ADTRP: variants seen among roughly 807,000 people sequenced by gnomAD.
The protein encoded by ADTRP is androgen-dependent TFPI-regulating protein.
A neutral mutation model predicts 27.0 loss-of-function variants in ADTRP; 20 were observed. That is an observed-to-expected ratio of 0.74 (90% CI 0.52 to 1.08). ADTRP has a LOEUF of 1.08. Among genes scored for constraint, ADTRP ranks in the 50% least tolerant of loss-of-function variants. The pLI, the probability that ADTRP is intolerant of heterozygous loss-of-function variation, is 0.00. For synonymous variants in ADTRP, 101 were observed against 105.2 expected (o/e 0.96, Z 0.25); for missense variants, 251 against 275.0 (o/e 0.91, Z 0.62).
At chr6:11,731,410 C>G (rs144225737) in intron 4 of ADTRP, among the ~76,000 whole-genome samples, 574 of 152,220 alleles carry the variant, frequency 3.8e-3, no homozygotes, top group Non-Finnish European at 7.0e-3. Flanking sequence ...GCTTCCACTC[C>G]AAACAAACAA....
intron 3 of ADTRP, among the ~76,000 whole-genome samples, chr6:11,737,145 A>T (rs1762579037): frequency 6.6e-6 from 1 of 152,066 alleles, no homozygotes; most frequent in Admixed American, 6.6e-5. Flanking sequence ...ATGTGTTTTC[A>T]TTTATTGATA....
intron 1 of ADTRP, among the ~76,000 whole-genome samples, chr6:11,775,634 C>A (rs905486998): frequency 6.6e-6 from 1 of 152,138 alleles, no homozygotes; most frequent in African/African-American, 2.4e-5. Flanking sequence ...AAATGGGTCA[C>A]CCTGACCAAT....
intron 3 of ADTRP, among the ~76,000 whole-genome samples, chr6:11,763,353 A>G (rs1159939775): frequency 6.6e-6 from 1 of 152,254 alleles, no homozygotes; most frequent in Non-Finnish European, 1.5e-5. Flanking sequence ...GGGCAGCATC[A>G]TAAATGGCAA....
At chr6:11,776,692 G>A (rs1277170229) in intron 1 of ADTRP, among the ~76,000 whole-genome samples, 1 of 152,140 alleles carries the variant, frequency 6.6e-6, no homozygotes, top group Admixed American at 6.5e-5. Context: ...AGAGAACACC[G>A]GGCAGAGAAG....
intron 3 of ADTRP, among the ~76,000 whole-genome samples, chr6:11,765,035 A>G (rs977228475): frequency 6.6e-6 from 1 of 152,076 alleles, no homozygotes; most frequent in African/African-American, 2.4e-5. Flanking sequence ...AGACTTACGT[A>G]AGGTAGTTCT....
At chr6:11,765,030 T>C (rs1352218010) in intron 3 of ADTRP, among the ~76,000 whole-genome samples, 1 of 152,068 alleles carries the variant, frequency 6.6e-6, no homozygotes, top group Non-Finnish European at 1.5e-5. Flanking sequence ...AGGTCAGACT[T>C]ACGTAAGGTA....
Position 11,772,502 on chromosome 6 carries a change from T to G in ADTRP, c.154-4119A>C, listed in dbSNP as rs1763816239. Among the ~76,000 whole-genome samples the G allele has an allele frequency of 2.0e-5, 3 of 152,364 alleles. No homozygotes were observed. In the South Asian group the frequency reaches 6.2e-4, roughly 32 times the overall value. ...TTTAAACTACCTTAGGAAATGAGAATTTCTTCTATTTAAAAAGTAATTCCA... is the reference window on the plus strand; with the variant it reads ...TTTAAACTACCTTAGGAAATGAGAAGTTCTTCTATTTAAAAAGTAATTCCA... On this transcript the variant is annotated intron_variant, in intron 1 of 5. Coordinates refer to ENST00000414691, the MANE Select transcript of ADTRP (RefSeq NM_032744.4).
chr6:11,776,346 T>C (rs1339906262), intron 1 of ADTRP, among the ~76,000 whole-genome samples: 1 of 152,206 alleles, frequency 6.6e-6, no homozygotes, highest in Non-Finnish European at 1.5e-5. Flanking sequence ...CTTTTTAATA[T>C]CTGGGTATCC....
At chr6:11,748,852 C>T (rs891094166) in intron 3 of ADTRP, among the ~76,000 whole-genome samples, 1 of 152,138 alleles carries the variant, frequency 6.6e-6, no homozygotes, top group Non-Finnish European at 1.5e-5. Flanking sequence ...ACATGGAGTG[C>T]CAGGGGGAGA....
intron 1 of ADTRP, chr6:11,769,944 G>A: frequency 1.4e-6 from 2 of 1,404,214 alleles, no homozygotes; most frequent in South Asian, 1.2e-5. Context: ...GCACTGAACT[G>A]TGTTTCATTC....
intron 5 of ADTRP, among the ~76,000 whole-genome samples, chr6:11,716,060 T>A (rs1029018906): frequency 2.0e-5 from 3 of 152,082 alleles, no homozygotes; most frequent in African/African-American, 7.2e-5. Flanking sequence ...GTACCTCCTT[T>A]TTCTGTAGAG....
intron 1 of ADTRP, among the ~76,000 whole-genome samples, chr6:11,774,839 C>T (rs1763901156): frequency 6.6e-6 from 1 of 152,224 alleles, no homozygotes; most frequent in African/African-American, 2.4e-5. Flanking sequence ...GGGACAGTCC[C>T]TGGATGGAAA....
At chr6:11,727,340 G>A (rs2013368) in intron 4 of ADTRP, among the ~76,000 whole-genome samples, 70,701 of 149,872 alleles carry the variant, frequency 0.47, 18,033 homozygotes, top group Non-Finnish European at 0.59. Flanking sequence ...TAAGATATGC[G>A]TTCCATGGAT....
At chr6:11,727,380 C>G (rs529342686) in intron 4 of ADTRP, among the ~76,000 whole-genome samples, 6 of 152,096 alleles carry the variant, frequency 3.9e-5, no homozygotes, top group Non-Finnish European at 8.8e-5. Context: ...GTGATTCTTA[C>G]CTGCATGGCT....
chr6:11,723,616 G>A (rs909474917), intron 4 of ADTRP, 116 bp from the exon 5 acceptor site: 38 of 1,195,764 alleles, frequency 3.2e-5, no homozygotes, highest in Admixed American at 1.1e-4. Flanking sequence ...CATCAGGGAC[G>A]TTTGTCAACA....
chr6:11,754,333 T>G (rs1372194985), intron 3 of ADTRP, among the ~76,000 whole-genome samples: 2 of 152,082 alleles, frequency 1.3e-5, no homozygotes, highest in African/African-American at 4.8e-5. Flanking sequence ...GAAGCTAAGG[T>G]AGGTAGGCCA....
At chr6:11,761,637 T>A (rs1763392299) in intron 3 of ADTRP, among the ~76,000 whole-genome samples, 1 of 152,136 alleles carries the variant, frequency 6.6e-6, no homozygotes, top group Non-Finnish European at 1.5e-5. Flanking sequence ...TGATTCTTCA[T>A]TTTGTCTTTT....
intron 1 of ADTRP, among the ~76,000 whole-genome samples, chr6:11,775,593 G>T (rs185150432): frequency 1.8e-3 from 275 of 152,144 alleles, no homozygotes; most frequent in Non-Finnish European, 3.1e-3. Flanking sequence ...ACTCCCATCT[G>T]TCCTCTCCTA....
chr6:11,766,471 A>C, intron 2 of ADTRP, 96 bp from the exon 3 acceptor site: 1 of 840,574 alleles, frequency 1.2e-6, no homozygotes. Context: ...AAAAACAGAC[A>C]ACCATTTTAA....
Sources: gnomAD v4.1 joint callset for allele counts (sites outside exome capture counted in the v4.1 genomes callset) on GRCh38, gnomAD v4.1.1 for gene constraint, MANE v1.5 for transcripts, NCBI Gene and HGNC (gene_info 2026-07-23, HGNC 2026-07-21) for gene names.